Variants in GABRB3 observed in about 807,000 individuals in gnomAD.
The protein encoded by GABRB3 is gamma-aminobutyric acid receptor subunit beta-3.
A neutral mutation model predicts 52.1 loss-of-function variants in GABRB3; 14 were observed. The observed-to-expected ratio is 0.27, with a 90% CI of 0.18 to 0.42. GABRB3 has a LOEUF of 0.42. GABRB3 is among the 10% of genes least tolerant of loss of function. The probability of loss-of-function intolerance (pLI) is 1.00; values close to 1 mark genes in which losing one functional copy is unlikely to be tolerated. For missense variants in GABRB3, 307 were observed against 609.1 expected (o/e 0.50, Z 5.22); for synonymous variants, 260 against 232.3 (o/e 1.12, Z -1.08).
At chr15:26,771,409 G>C (rs1217046912) in intron 3 of GABRB3, among the ~76,000 whole-genome samples, 1 of 152,200 alleles carries the variant, frequency 6.6e-6, no homozygotes, top group East Asian at 1.9e-4. Flanking sequence ...GAAGCCTACA[G>C]AGTGGATCTA....
intron 4 of GABRB3, among the ~76,000 whole-genome samples, chr15:26,593,341 A>G (rs756571151): frequency 1.6e-4 from 24 of 152,206 alleles, no homozygotes; most frequent in Admixed American, 2.6e-4. Context: ...AAAATGTACC[A>G]TTTTAGTGAT....
intron 3 of GABRB3, among the ~76,000 whole-genome samples, chr15:26,671,247 A>G (rs917387687): frequency 4.6e-5 from 7 of 152,238 alleles, no homozygotes; most frequent in Admixed American, 3.3e-4. Flanking sequence ...AATTTTTTCC[A>G]TGATAAAATA....
At chr15:26,701,551 T>C (rs1888937098) in intron 3 of GABRB3, among the ~76,000 whole-genome samples, 1 of 152,148 alleles carries the variant, frequency 6.6e-6, no homozygotes, top group Non-Finnish European at 1.5e-5. Context: ...ACCTATACAA[T>C]GGAAACCAGC....
In GABRB3 at chr15:26,730,492, C is replaced by T. The variant is rs547406571; in HGVS notation, c.240+41910G>A. 1.3e-4 allele frequency among the ~76,000 whole-genome samples: 20 copies of T among 152,192 alleles called. No individual in the cohort carries two copies. The South Asian group carries it at 1.5e-3, about 11-fold the overall frequency. Reference sequence around the variant, plus strand: ...CGGTGCACAGGCACCTCACCACCCCCCGTGCGGATGAATGCGGTCACGTCC... The same window carrying T: ...CGGTGCACAGGCACCTCACCACCCCTCGTGCGGATGAATGCGGTCACGTCC... On this transcript the variant is annotated intron_variant, in intron 3 of 8. Transcript: ENST00000311550.
At position 26,560,991 on chromosome 15, in the gene GABRB3, T is replaced by G. The variant is rs761102474; in HGVS notation, c.1021A>C (p.Lys341Gln). 2.1e-5 allele frequency: 34 copies of G among 1,614,234 alleles called. No homozygotes were observed. In the Middle Eastern group the frequency reaches 5.0e-4, roughly 24 times the overall value. Residue 341 changes from lysine to glutamine, a missense_variant, in exon 8 of 9, where the codon AAG becomes CAG. This residue lies in a region of GABRB3 where 115 missense variants were observed against 166.9 expected (regional missense o/e 0.69). Coordinates refer to ENST00000311550, the MANE Select transcript of GABRB3 (RefSeq NM_000814.6). Reference sequence around the variant, plus strand: ...GCCTTGGCTGTCTTTTCTGCAAGCTTCTTCTGCCTTTGAGGGCCTCTTCCA... The same window carrying G: ...GCCTTGGCTGTCTTTTCTGCAAGCTGCTTCTGCCTTTGAGGGCCTCTTCCA... ...FFGRGPQRQK[K>Q]LAEKTAKAKN...
chr15:26,750,963 C>T (rs75691155), intron 3 of GABRB3, among the ~76,000 whole-genome samples: 4 of 152,090 alleles, frequency 2.6e-5, no homozygotes, highest in Non-Finnish European at 5.9e-5. Flanking sequence ...ATTCTTAAGT[C>T]CCTCAAGTAA....
intron 3 of GABRB3, among the ~76,000 whole-genome samples, chr15:26,736,141 T>C (rs960475421): frequency 6.6e-6 from 1 of 152,164 alleles, no homozygotes; most frequent in South Asian, 2.1e-4. Flanking sequence ...AAAAGCATTA[T>C]GGAGAAGGAT....
At chr15:26,567,961 C>T (rs911454872) in intron 6 of GABRB3, among the ~76,000 whole-genome samples, 3 of 152,220 alleles carry the variant, frequency 2.0e-5, no homozygotes, top group Non-Finnish European at 4.4e-5. Context: ...TCTTCTAAGG[C>T]TAAACGCTCG....
chr15:26,605,770 G>C (rs1891765538), intron 4 of GABRB3, among the ~76,000 whole-genome samples: 1 of 152,166 alleles, frequency 6.6e-6, no homozygotes, highest in Admixed American at 6.5e-5. Context: ...GGTAAGTGTA[G>C]TGGGGGTACA....
intron 3 of GABRB3, among the ~76,000 whole-genome samples, chr15:26,653,707 A>T (rs1887272798): frequency 6.6e-6 from 1 of 152,198 alleles, no homozygotes; most frequent in Non-Finnish European, 1.5e-5. Flanking sequence ...GGTTACAGTT[A>T]GGTCAGATCT....
intron 8 of GABRB3, among the ~76,000 whole-genome samples, chr15:26,560,253 C>G (rs958498475): frequency 2.6e-5 from 4 of 152,112 alleles, no homozygotes; most frequent in African/African-American, 4.8e-5. Flanking sequence ...GATCATCAAG[C>G]CTGCCCAAGT....
At chr15:26,680,847 T>A (rs990926636) in intron 3 of GABRB3, among the ~76,000 whole-genome samples, 2 of 151,670 alleles carry the variant, frequency 1.3e-5, no homozygotes, top group Admixed American at 6.6e-5. Flanking sequence ...CAGAGAGGGG[T>A]TTGTTGTCAA....
chr15:26,572,010 C>T (rs1019712481), intron 6 of GABRB3, among the ~76,000 whole-genome samples: 6 of 146,780 alleles, frequency 4.1e-5, no homozygotes, highest in African/African-American at 1.0e-4. Flanking sequence ...TGAGCTACTG[C>T]ACTCCAGCCT....
At chr15:26,635,122 C>T (rs1893022495) in intron 3 of GABRB3, among the ~76,000 whole-genome samples, 1 of 150,470 alleles carries the variant, frequency 6.6e-6, no homozygotes, top group Admixed American at 6.6e-5. Flanking sequence ...TAAGAGAATT[C>T]CAAAAGGGAA....
intron 3 of GABRB3, among the ~76,000 whole-genome samples, chr15:26,704,690 T>C (rs1020365264): frequency 2.0e-5 from 3 of 152,234 alleles, no homozygotes; most frequent in African/African-American, 7.2e-5. Flanking sequence ...ATCCTAGCCA[T>C]TGCTTTTAAT....
chr15:26,652,927 G>A (rs1378663563), intron 3 of GABRB3, among the ~76,000 whole-genome samples: 1 of 152,144 alleles, frequency 6.6e-6, no homozygotes, highest in Non-Finnish European at 1.5e-5. Flanking sequence ...AGGATAACAC[G>A]AGTACACACC....
rs1891196700 is a variant in GABRB3 at position 26,772,954 on chromosome 15, GC to G, written c.8del (p.Gly3AlafsTer26). The G allele has an allele frequency of 6.9e-7, 1 of 1,450,816 alleles. No individual in the cohort carries two copies. The highest frequency in any genetic ancestry group is 9.1e-7 in the Non-Finnish European group (1 of 1,096,502). 89.9% of individuals were successfully genotyped at this position (1,450,816 alleles called of 1,614,324 possible). On this transcript the variant is annotated frameshift_variant, in exon 1 of 9. Coordinates refer to ENST00000311550, the MANE Select transcript of GABRB3 (RefSeq NM_000814.6). LOFTEE classifies it high-confidence loss of function. ...TGCCGAAAAGCCTTCCTCCCGCAAGGCCCCACATCCCTCCGCCGCGCCCCGG... is the reference window on the plus strand; with the variant it reads ...TGCCGAAAAGCCTTCCTCCCGCAAGGCCCACATCCCTCCGCCGCGCCCCGG... MW[G>X]LAGGRLFGIF...
At position 26,547,684 on chromosome 15, in the gene GABRB3, G is replaced by C; in HGVS notation, c.*109C>G. ...TATATACAATTGCGTATGTATATAT[G>C]TGTGTGTCTGCTTGTGTGTCTGTGT... is the stretch of plus-strand genomic sequence containing the variant. On this transcript the variant is annotated 3_prime_UTR_variant, in exon 9 of 9. Transcript: ENST00000311550. The C allele has an allele frequency of 2.5e-6, 2 of 797,676 alleles. No individual in the cohort carries two copies. Among genetic ancestry groups the C allele is most frequent in the South Asian group, 2.9e-5 (2 of 69,252 alleles). 49.4% of individuals were successfully genotyped at this position (797,676 alleles called of 1,614,324 possible).
intron 3 of GABRB3, among the ~76,000 whole-genome samples, chr15:26,765,406 T>C (rs749301593): frequency 6.6e-6 from 1 of 152,214 alleles, no homozygotes; most frequent in Non-Finnish European, 1.5e-5. Flanking sequence ...GGTATTATAA[T>C]TGGGTACAAT....
Sources: allele counts gnomAD v4.1 joint callset (sites outside exome capture counted in the v4.1 genomes callset), GRCh38; gene constraint gnomAD v4.1.1; regional missense constraint gnomAD v4.1.1; transcripts MANE v1.5; gene names NCBI Gene and HGNC (gene_info 2026-07-23, HGNC 2026-07-21).